Variants in AMBRA1 observed in about 807,000 individuals in gnomAD.
AMBRA1 encodes activating molecule in BECN1-regulated autophagy protein 1.
In AMBRA1, 47 loss-of-function variants were observed where a neutral mutation model predicts 125.4. The observed-to-expected ratio is 0.37, with a 90% confidence interval of 0.30 to 0.48. AMBRA1 has a LOEUF of 0.48. Ranked by LOEUF, AMBRA1 falls within the 20% of genes least tolerant of loss-of-function variation. AMBRA1 has a pLI of 0.99. For synonymous variants in AMBRA1, 626 were observed against 655.5 expected, an observed-to-expected ratio of 0.95 and a Z score of 0.69; for missense variants, 1,331 against 1,693.4, an observed-to-expected ratio of 0.79 and a Z score of 3.76.
At chr11:46,449,885 C>T (rs1353652854) in intron 11 of AMBRA1, among the ~76,000 whole-genome samples, 1 of 152,078 alleles carries the variant, frequency 6.6e-6, no homozygotes, top group East Asian at 1.9e-4. Flanking sequence ...ATAGTGAAAT[C>T]CCATCTCTAC....
intron 14 of AMBRA1, among the ~76,000 whole-genome samples, chr11:46,430,620 T>C (rs1010243124): frequency 1.3e-5 from 2 of 152,188 alleles, no homozygotes; most frequent in African/African-American, 4.8e-5. Context: ...AGTTTTCATA[T>C]GGGATTGTGT....
chr11:46,493,404 G>A (rs1950531707), intron 11 of AMBRA1, among the ~76,000 whole-genome samples: 1 of 152,154 alleles, frequency 6.6e-6, no homozygotes, highest in Non-Finnish European at 1.5e-5. Context: ...AGGGAAAGTG[G>A]GAATAGGGTA....
At chr11:46,555,599 G>A (rs2043136870) in intron 1 of AMBRA1, among the ~76,000 whole-genome samples, 1 of 152,162 alleles carries the variant, frequency 6.6e-6, no homozygotes, top group Non-Finnish European at 1.5e-5. Context: ...ATTCCCAAGA[G>A]TAGCAGATTT....
At chr11:46,438,304 A>C (rs531187421) in intron 12 of AMBRA1, among the ~76,000 whole-genome samples, 1 of 152,232 alleles carries the variant, frequency 6.6e-6, no homozygotes, top group Non-Finnish European at 1.5e-5. Context: ...TCTGCAATGT[A>C]ATCTCCTCCC....
chr11:46,483,044 A>C (rs1950135295), intron 11 of AMBRA1, among the ~76,000 whole-genome samples: 1 of 151,264 alleles, frequency 6.6e-6, no homozygotes, highest in African/African-American at 2.4e-5. Context: ...AGTAAAAACC[A>C]TGAATCTGCT....
rs1183590085 is a variant in AMBRA1, at chr11:46,545,879, G to T, written c.379-103C>A. On this transcript the variant is annotated intron_variant, in intron 4 of 17. Transcript: ENST00000683756. The stretch of plus-strand genomic sequence containing the variant: ...ATTTAAGGTAAAATGACTATGTCTA[G>T]GGACTACTTTAAATACATCCTCTGT... 2.7e-6 allele frequency: 3 copies of T among 1,096,362 alleles called. No homozygotes were observed. The Admixed American group carries it at 7.3e-5, about 27-fold the overall frequency. The allele number at this position is 1,096,362 out of a possible 1,614,324, so 67.9% of individuals were successfully genotyped here.
chr11:46,414,473 T>A (rs960976009), intron 15 of AMBRA1, among the ~76,000 whole-genome samples: 2 of 152,098 alleles, frequency 1.3e-5, no homozygotes, highest in African/African-American at 2.4e-5. Context: ...TCAGCCCACC[T>A]CTCTTCTGCC....
chr11:46,419,192 C>G (rs1946722934), intron 14 of AMBRA1, among the ~76,000 whole-genome samples: 1 of 152,088 alleles, frequency 6.6e-6, no homozygotes, highest in Admixed American at 6.5e-5. Flanking sequence ...TCTCTTTTTC[C>G]AAGCTAATAT....
At chr11:46,499,221 T>C (rs887340640) in intron 9 of AMBRA1, among the ~76,000 whole-genome samples, 2 of 152,196 alleles carry the variant, frequency 1.3e-5, no homozygotes, top group African/African-American at 4.8e-5. Flanking sequence ...CAAATCCACA[T>C]TCCTATTGTG....
At chr11:46,451,950 G>A (rs1948618349) in intron 11 of AMBRA1, 3 of 151,818 alleles carry the variant, frequency 2.0e-5, no homozygotes, top group Admixed American at 2.0e-4. Flanking sequence ...GGAGGGATGT[G>A]AGAGAGGGAA....
intron 11 of AMBRA1, among the ~76,000 whole-genome samples, chr11:46,492,646 ACTTC>A (rs1255488701): frequency 6.6e-6 from 1 of 152,216 alleles, no homozygotes; most frequent in Non-Finnish European, 1.5e-5. Flanking sequence ...ATTCTGCTTT[ACTTC>A]CTTCTCTAGA....
intron 7 of AMBRA1, among the ~76,000 whole-genome samples, chr11:46,540,032 A>G (rs1249284941): frequency 1.3e-5 from 2 of 152,118 alleles, no homozygotes; most frequent in African/African-American, 4.8e-5. Context: ...GGGATTTACC[A>G]TGTTGGCCAG....
intron 11 of AMBRA1, among the ~76,000 whole-genome samples, chr11:46,457,855 G>A (rs1948920436): frequency 6.7e-6 from 1 of 149,740 alleles, no homozygotes. Context: ...GCAGTGAGTC[G>A]AGATTGCGCC....
At position 46,469,838 on chromosome 11, in the gene AMBRA1, C is replaced by CTT. The variant is rs34785738; in HGVS notation, c.2521+23768_2521+23769dup. ...AACTACCATGCCCAGCTAACTTAAA[C>CTT]TTTTTTTTTTTTTTTTTTTGGTAGA... On this transcript the variant is annotated intron_variant, in intron 11 of 17. Coordinates refer to ENST00000683756, the MANE Select transcript of AMBRA1 (RefSeq NM_001387011.1). Among the ~76,000 whole-genome samples, 515 of 128,278 alleles carry CTT rather than the reference C, an allele frequency of 4.0e-3. 4 individuals carry two copies. Among genetic ancestry groups the CTT allele is most frequent in the African/African-American group, 0.012 (411 of 34,108 alleles). The allele number at this position is 128,278 out of a possible 152,430, so 84.2% of individuals were successfully genotyped here.
At chr11:46,575,381 C>T (rs536740815) in intron 1 of AMBRA1, among the ~76,000 whole-genome samples, 21 of 151,336 alleles carry the variant, frequency 1.4e-4, no homozygotes, top group East Asian at 3.9e-4. Flanking sequence ...AGCTTGAACC[C>T]GGAAGGTGGA....
rs199607275 is a variant in AMBRA1, at chr11:46,568,772, C to CAA, written c.-120-20274_-120-20273dup. Among the ~76,000 whole-genome samples, 878 of 92,352 alleles carry CAA rather than the reference C, an allele frequency of 9.5e-3. 12 individuals carry two copies. The highest frequency in any genetic ancestry group is 0.033 in the African/African-American group (829 of 25,426). 60.6% of individuals were successfully genotyped at this position (92,352 alleles called of 152,430 possible). A position where few individuals can be genotyped will look rare whatever the true frequency, so the allele number is the denominator to read the frequency against. On this transcript the variant is annotated intron_variant, in intron 1 of 17. Transcript: ENST00000683756. ...GGGCAACAAGAGCAAAACTCCATCT[C>CAA]AAAAAAAAAAAAAGGAACCCTCAAC... is the stretch of plus-strand genomic sequence containing the variant.
intron 1 of AMBRA1, among the ~76,000 whole-genome samples, chr11:46,575,026 A>G (rs897752703): frequency 3.9e-5 from 6 of 152,222 alleles, no homozygotes; most frequent in African/African-American, 1.4e-4. Flanking sequence ...ATATCTGAAG[A>G]TATTCTTGGC....
chr11:46,563,222 G>A (rs1025046629), intron 1 of AMBRA1, among the ~76,000 whole-genome samples: 1 of 152,072 alleles, frequency 6.6e-6, no homozygotes, highest in East Asian at 1.9e-4. Context: ...CTGCAACATA[G>A]AGAACATAGA....
At chr11:46,451,454 T>C (rs1368815486) in intron 11 of AMBRA1, among the ~76,000 whole-genome samples, 2 of 152,242 alleles carry the variant, frequency 1.3e-5, no homozygotes, top group Non-Finnish European at 2.9e-5. Context: ...TGGAAAGAAT[T>C]AGGAATCTTT....
Sources: gnomAD v4.1 joint callset for allele counts (sites outside exome capture counted in the v4.1 genomes callset) on GRCh38, gnomAD v4.1.1 for gene constraint, MANE v1.5 for transcripts, NCBI Gene and HGNC (gene_info 2026-07-23, HGNC 2026-07-21) for gene names.